LHX8: variants seen among roughly 807,000 people sequenced by gnomAD.
LHX8 encodes the protein LIM homeobox 8, also known as LIM/homeobox protein Lhx8.
Under a neutral mutation model 40.3 loss-of-function variants are expected in LHX8, and 12 were observed. The observed-to-expected ratio is 0.30, with a 90% CI of 0.19 to 0.48. The LOEUF is 0.48. Ranked by LOEUF, LHX8 falls within the 20% of genes least tolerant of loss-of-function variation. The pLI, the probability that LHX8 is intolerant of heterozygous loss-of-function variation, is 0.99. For missense variants in LHX8, 344 were observed against 433.7 expected (o/e 0.79, Z 1.84); for synonymous variants, 179 against 162.0 (o/e 1.10, Z -0.80).
At chr1:75,180,075 C>A in the LHX8 span, among the ~76,000 whole-genome samples, 1 of 152,138 alleles carries the variant, frequency 6.6e-6, no homozygotes, top group Non-Finnish European at 1.5e-5. Flanking sequence ...AGTCTGATAG[C>A]CTTCCCTTTG....
At chr1:75,157,368 A>G (rs1329832770) in intron 8 of LHX8, among the ~76,000 whole-genome samples, 1 of 152,290 alleles carries the variant, frequency 6.6e-6, no homozygotes, top group East Asian at 1.9e-4. Flanking sequence ...TAAATATTTA[A>G]ATACTTTATT....
chr1:75,138,877 C>A (rs1239839351), intron 3 of LHX8, among the ~76,000 whole-genome samples: 1 of 151,996 alleles, frequency 6.6e-6, no homozygotes, highest in African/African-American at 2.4e-5. Context: ...AGGAGTCCTC[C>A]CAATGAAGCC....
chr1:75,154,137 T>G (rs1032409444), intron 7 of LHX8, among the ~76,000 whole-genome samples: 5 of 152,102 alleles, frequency 3.3e-5, no homozygotes, highest in Admixed American at 6.5e-5. Flanking sequence ...AGGAGGAAAT[T>G]TTGTCAGTGA....
At chr1:75,138,762 T>TA (rs1171182794) in intron 3 of LHX8, among the ~76,000 whole-genome samples, 2 of 152,160 alleles carry the variant, frequency 1.3e-5, no homozygotes, top group Non-Finnish European at 2.9e-5. Context: ...AAATAGATAA[T>TA]AGTTTCTAGT....
At chr1:75,179,375 A>G in the LHX8 span, among the ~76,000 whole-genome samples, 1 of 152,052 alleles carries the variant, frequency 6.6e-6, no homozygotes, top group African/African-American at 2.4e-5. Flanking sequence ...GTGCATATAT[A>G]TTTAGGATAG....
Position 75,146,589 on chromosome 1 carries a change from G to T in LHX8, c.685-1998G>T, listed in dbSNP as rs1007911633. On this transcript the variant is annotated intron_variant, in intron 6 of 8. Coordinates refer to ENST00000356261, the MANE Select transcript of LHX8 (RefSeq NM_001256114.2). ...GGCCTAAAAATGATGAGTGTCTACA[G>T]AGGCTCACTCCTTGTCCACGTTAGA... 2.6e-5 allele frequency among the ~76,000 whole-genome samples: 4 copies of T among 152,294 alleles called. No homozygotes were observed. The East Asian group carries it at 7.7e-4, about 29-fold the overall frequency.
chr1:75,161,978 A>T (rs1375538951), downstream of LHX8, among the ~76,000 whole-genome samples: 5 of 152,246 alleles, frequency 3.3e-5, no homozygotes, highest in East Asian at 9.6e-4. Context: ...CAAATTTTTG[A>T]ATTTAAAGAA....
At chr1:75,141,812 TTTTC>T (rs1445767035) in intron 4 of LHX8, among the ~76,000 whole-genome samples, 1 of 152,148 alleles carries the variant, frequency 6.6e-6, no homozygotes, top group African/African-American at 2.4e-5. Flanking sequence ...TTACAACATA[TTTTC>T]TTTATTTACT....
upstream of LHX8, among the ~76,000 whole-genome samples, chr1:75,134,346 CT>C (rs1005872218): frequency 0.012 from 1,721 of 146,430 alleles, 32 homozygotes; most frequent in African/African-American, 0.036. Flanking sequence ...GAAAACAAAA[CT>C]TTTTTTTTTT....
intron 7 of LHX8, among the ~76,000 whole-genome samples, chr1:75,149,508 T>G (rs1353143707): frequency 6.6e-6 from 1 of 152,134 alleles, no homozygotes; most frequent in Non-Finnish European, 1.5e-5. Context: ...TTGTTGTTTG[T>G]TTTTTGTTTG....
At position 75,161,252 on chromosome 1, in the gene LHX8, G is replaced by T. The variant is rs1355745193; in HGVS notation, c.*357G>T. On this transcript the variant is annotated 3_prime_UTR_variant, in exon 9 of 9. Coordinates refer to ENST00000356261, the MANE Select transcript of LHX8 (RefSeq NM_001256114.2). ...GTTTACAATCTTTTGTGAAATTGTA[G>T]TTTATCATTAGTTTGTATCTGTAAG... The T allele has an allele frequency of 1.3e-5, 3 of 223,968 alleles. No homozygotes were observed. The highest frequency in any genetic ancestry group is 2.7e-5 in the Non-Finnish European group (3 of 112,150). The allele number at this position is 223,968 out of a possible 1,614,324, so 13.9% of individuals were successfully genotyped here.
chr1:75,155,440 T>C (rs11162637), intron 7 of LHX8, among the ~76,000 whole-genome samples: 29,610 of 151,918 alleles, frequency 0.19, 4,291 homozygotes, highest in East Asian at 0.78. Flanking sequence ...TTCACTGTTT[T>C]AGCCAGGATG....
the LHX8 span, among the ~76,000 whole-genome samples, chr1:75,192,454 T>G: frequency 6.6e-6 from 1 of 152,156 alleles, no homozygotes; most frequent in Non-Finnish European, 1.5e-5. Context: ...ACAGTGAAGT[T>G]CAATAAACCC....
chr1:75,134,511 G>C lies in LHX8; in HGVS notation c.-456G>C, dbSNP rs1027569270. On this transcript the variant is annotated 5_prime_UTR_variant, in exon 1 of 9. Coordinates refer to ENST00000356261, the MANE Select transcript of LHX8 (RefSeq NM_001256114.2). ...ACACACTTGTAGCATTATCCTTCTC[G>C]GCATCAGCTTTTATTAGTGGATCGG... Among the ~76,000 whole-genome samples the C allele has an allele frequency of 2.0e-5, 3 of 151,544 alleles. No homozygotes were observed. Among genetic ancestry groups the C allele is most frequent in the East Asian group, 2.0e-4 (1 of 5,124 alleles).
intron 7 of LHX8, among the ~76,000 whole-genome samples, chr1:75,155,850 A>G (rs1027549127): frequency 8.5e-5 from 13 of 152,196 alleles, no homozygotes; most frequent in African/African-American, 3.1e-4. Flanking sequence ...ATTCACCAAG[A>G]GAAATTGAAC....
At position 75,137,126 on chromosome 1, in the gene LHX8, G is replaced by A. The variant is rs760824497; in HGVS notation, c.102G>A (p.Glu34=). Residue 34 remains glutamate, a synonymous_variant, in exon 3 of 9, where the codon GAG becomes GAA. Coordinates refer to ENST00000356261, the MANE Select transcript of LHX8 (RefSeq NM_001256114.2). The part of the protein sequence containing the change: ...GLVSPEGAGD[E]DSCSSSAPLS... ...TGAGCCCCGAGGGAGCGGGGGACGA[G>A]GACTCGTGCTCCTCCTCGGCCCCGC... 6.2e-7 allele frequency: 1 copy of A among 1,609,654 alleles called. No homozygotes were observed. Among genetic ancestry groups the A allele is most frequent in the African/African-American group, 1.3e-5 (1 of 74,840 alleles).
chr1:75,187,739 C>G, the LHX8 span, among the ~76,000 whole-genome samples: 2 of 152,114 alleles, frequency 1.3e-5, no homozygotes, highest in Non-Finnish European at 2.9e-5. Flanking sequence ...GAAAACAAGA[C>G]AGCATGGGAG....
At chr1:75,146,190 G>A (rs1648455283) in intron 6 of LHX8, among the ~76,000 whole-genome samples, 3 of 152,046 alleles carry the variant, frequency 2.0e-5, no homozygotes, top group Non-Finnish European at 2.9e-5. Context: ...CTTGAATTTG[G>A]CAAGATAATA....
the LHX8 span, among the ~76,000 whole-genome samples, chr1:75,198,479 A>C: frequency 6.6e-6 from 1 of 152,198 alleles, no homozygotes; most frequent in African/African-American, 2.4e-5. Context: ...TTTCAGCAGC[A>C]CTGTGAGGAG....
Sources: gnomAD v4.1 joint callset for allele counts (sites outside exome capture counted in the v4.1 genomes callset) on GRCh38, gnomAD v4.1.1 for gene constraint, MANE v1.5 for transcripts, NCBI Gene and HGNC (gene_info 2026-07-23, HGNC 2026-07-21) for gene names.